Variants in HADHB observed in about 807,000 individuals in gnomAD.
The protein encoded by HADHB is trifunctional enzyme subunit beta, mitochondrial.
Under a neutral mutation model 61.9 loss-of-function variants are expected in HADHB, and 50 were observed. The observed-to-expected ratio is 0.81, with a 90% CI of 0.64 to 1.02. The LOEUF is 1.02. Ranked by LOEUF, HADHB falls within the 50% of genes least tolerant of loss-of-function variation. The pLI is 0.00. For synonymous variants in HADHB, 191 were observed against 201.6 expected (o/e 0.95, Z 0.45); for missense variants, 504 against 586.5 (o/e 0.86, Z 1.45).
chr2:26,260,555 T>C, intron 3 of HADHB: 1 of 161,768 alleles, frequency 6.2e-6, no homozygotes, highest in South Asian at 1.8e-4. Flanking sequence ...TCCTTGACAC[T>C]CTCCTGCCTT....
chr2:26,282,739 A>G (rs997226737), intron 10 of HADHB, 106 bp from the exon 11 acceptor site: 1 of 763,198 alleles, frequency 1.3e-6, no homozygotes, highest in Non-Finnish European at 2.3e-6. Flanking sequence ...GAATCACTGT[A>G]TAAGTCTAAT....
chr2:26,251,184 A>T (rs1671384801), intron 1 of HADHB, among the ~76,000 whole-genome samples: 1 of 151,476 alleles, frequency 6.6e-6, no homozygotes, highest in Non-Finnish European at 1.5e-5. Context: ...CTTTCTAGAA[A>T]GTGTTTTGTT....
chr2:26,259,496 A>G (rs184595075), intron 3 of HADHB, among the ~76,000 whole-genome samples: 26 of 152,248 alleles, frequency 1.7e-4, no homozygotes, highest in Middle Eastern at 3.4e-3. Context: ...ACGTTCCCCT[A>G]CACTCCCTTG....
intron 3 of HADHB, chr2:26,260,914 T>A (rs1671834374): frequency 1.3e-6 from 1 of 753,224 alleles, no homozygotes; most frequent in Non-Finnish European, 2.2e-6. Flanking sequence ...ACCATCAACC[T>A]GTTCTTCCTC....
At chr2:26,249,565 A>AC (rs1249120669) in intron 1 of HADHB, among the ~76,000 whole-genome samples, 6 of 152,114 alleles carry the variant, frequency 3.9e-5, no homozygotes. Context: ...ACTGAAAAGC[A>AC]CAATGAGAGG....
At position 26,280,086 on chromosome 2, in the gene HADHB, A is replaced by C; in HGVS notation, c.904A>C (p.Thr302Pro). ...LKPAFIKPYGTVTAANSSFLT... is the reference protein window; with the variant it reads ...LKPAFIKPYGPVTAANSSFLT... Reference sequence around the variant, plus strand: ...ACCTGCATTCATCAAGCCCTACGGCACAGTGACAGCTGCAAATTCTTCTTT... The same window carrying C: ...ACCTGCATTCATCAAGCCCTACGGCCCAGTGACAGCTGCAAATTCTTCTTT... The change falls in exon 10 of 16, where the codon ACA (threonine) becomes CCA (proline). Residue 302 changes from threonine (T) to proline (P), a missense_variant. Transcript: ENST00000317799. 6.2e-7 allele frequency: 1 copy of C among 1,612,806 alleles called. No individual in the cohort carries two copies.
intron 4 of HADHB, among the ~76,000 whole-genome samples, chr2:26,265,027 T>G (rs1393875608): frequency 6.6e-6 from 1 of 151,366 alleles, no homozygotes; most frequent in Admixed American, 6.6e-5. Context: ...ATGCTATAAG[T>G]AAATGGTAGT....
In HADHB at chr2:26,289,901, C is replaced by CT; in HGVS notation, c.1390-14dup. 3 of 1,584,024 alleles carry CT rather than the reference C, an allele frequency of 1.9e-6. No individual in the cohort carries two copies. Among genetic ancestry groups the CT allele is most frequent in the Non-Finnish European group, 2.6e-6 (3 of 1,152,582 alleles). On this transcript the variant is annotated splice_polypyrimidine_tract_variant and intron_variant, in intron 15 of 15. Transcript: ENST00000317799. ...ATCACCATTCATTGCTCTAATTGGA[C>CT]TTTGTTTTCTTTACAGGGCCATGCT...
chr2:26,263,261 T>C (rs754385341), intron 3 of HADHB, 119 bp from the exon 4 acceptor site: 489 of 625,518 alleles, frequency 7.8e-4, no homozygotes, highest in Non-Finnish European at 1.1e-3. Context: ...ATCACGCCAT[T>C]GCACTCCAGC....
intron 15 of HADHB, among the ~76,000 whole-genome samples, 168 bp downstream of exon 15, chr2:26,285,739 G>GATTTTTTTTTT (rs1673000559): frequency 1.5e-5 from 1 of 65,082 alleles, no homozygotes; most frequent in African/African-American, 6.6e-5. Context: ...TGTTTTTTGG[G>GATTTTTTTTTT]TTTTTTTTTT....
chr2:26,264,762 C>T (rs1263607147), intron 4 of HADHB, among the ~76,000 whole-genome samples: 1 of 151,944 alleles, frequency 6.6e-6, no homozygotes, highest in East Asian at 1.9e-4. Context: ...GTAATCCCAG[C>T]ACTTTGGAAG....
intron 1 of HADHB, among the ~76,000 whole-genome samples, chr2:26,250,525 C>T (rs952348590): frequency 6.6e-6 from 1 of 152,032 alleles, no homozygotes; most frequent in African/African-American, 2.4e-5. Context: ...ATCCCTTCTC[C>T]ATCTAAGTGA....
chr2:26,256,529 A>G (rs72849957), intron 3 of HADHB, among the ~76,000 whole-genome samples: 92 of 1,034 alleles, frequency 0.089, no homozygotes, highest in African/African-American at 0.11. Context: ...CTCTCTGTGT[A>G]TATATATATA....
intron 5 of HADHB, among the ~76,000 whole-genome samples, chr2:26,273,408 T>C (rs1364762614): frequency 6.6e-6 from 1 of 152,222 alleles, no homozygotes; most frequent in African/African-American, 2.4e-5. Flanking sequence ...TATTCCAAAT[T>C]ATTTTTTATT....
At chr2:26,253,240 G>A (rs996030828) in intron 1 of HADHB, among the ~76,000 whole-genome samples, 1 of 152,062 alleles carries the variant, frequency 6.6e-6, no homozygotes, top group Non-Finnish European at 1.5e-5. Context: ...TTAACATATA[G>A]GGTTATTATA....
At chr2:26,254,528 C>A (rs1671533429) in intron 3 of HADHB, 54 bp downstream of exon 3, 2 of 1,213,616 alleles carry the variant, frequency 1.6e-6, no homozygotes, top group South Asian at 2.4e-5. Context: ...ATTCCAGATT[C>A]TATAGTTTGT....
At chr2:26,250,631 T>C (rs1252968158) in intron 1 of HADHB, among the ~76,000 whole-genome samples, 1 of 151,156 alleles carries the variant, frequency 6.6e-6, no homozygotes, top group Non-Finnish European at 1.5e-5. Context: ...GCTAGGAGTT[T>C]GAGACTAGCC....
At chr2:26,263,584 A>G (rs1671948439) in intron 4 of HADHB, 105 bp downstream of exon 4, 2 of 764,994 alleles carry the variant, frequency 2.6e-6, no homozygotes, top group Non-Finnish European at 4.8e-6. Flanking sequence ...TAGTGGACTA[A>G]TATTTGGATA....
chr2:26,272,281 T>C (rs1324775204), intron 5 of HADHB, among the ~76,000 whole-genome samples: 1 of 152,070 alleles, frequency 6.6e-6, no homozygotes, highest in Non-Finnish European at 1.5e-5. Flanking sequence ...TTTAAGTGTA[T>C]AGTTTGATGA....
Sources: allele counts gnomAD v4.1 joint callset (sites outside exome capture counted in the v4.1 genomes callset), GRCh38; gene constraint gnomAD v4.1.1; transcripts MANE v1.5; gene names NCBI Gene and HGNC (gene_info 2026-07-23, HGNC 2026-07-21).